OXCT1: variants seen among roughly 807,000 people sequenced by gnomAD.
OXCT1 encodes 3-oxoacid CoA-transferase 1, also known as succinyl-CoA:3-ketoacid coenzyme A transferase 1, mitochondrial.
A neutral mutation model predicts 69.6 loss-of-function variants in OXCT1; 27 were observed. The observed-to-expected ratio is 0.39, with a 90% CI of 0.29 to 0.54. The LOEUF is 0.54. Among genes scored for constraint, OXCT1 ranks in the 20% least tolerant of loss-of-function variants. The pLI is 0.72. For missense variants in OXCT1, 437 were observed against 650.2 expected (o/e 0.67, Z 3.57); for synonymous variants, 202 against 217.8 (o/e 0.93, Z 0.64).
Position 41,870,010 on chromosome 5 carries a change from C to CGG in OXCT1, c.78+270_78+271insCC. 2.0e-6 allele frequency: 1 copy of CGG among 493,254 alleles called. No homozygotes were observed. Among genetic ancestry groups the CGG allele is most frequent in the South Asian group, 2.1e-5 (1 of 48,436 alleles). 30.6% of individuals were successfully genotyped at this position (493,254 alleles called of 1,614,324 possible). A position where few individuals can be genotyped will look rare whatever the true frequency, so the allele number is the denominator to read the frequency against. The stretch of plus-strand genomic sequence containing the variant: ...AGGGCTCGGGAGCGCTGCCAGGAGT[C>CGG]CTCCCGCCCCTTCTCAGCCTCTCCG... On this transcript the variant is annotated intron_variant, in intron 1 of 16. Coordinates refer to ENST00000196371, the MANE Select transcript of OXCT1 (RefSeq NM_000436.4). The surrounding 1 kb of genome is among the most constrained non-coding windows in gnomAD (Gnocchi z 4.2).
chr5:41,806,686 G>A (rs554295396), intron 8 of OXCT1, among the ~76,000 whole-genome samples: 16 of 152,158 alleles, frequency 1.1e-4, no homozygotes, highest in African/African-American at 3.4e-4. Flanking sequence ...GCTTCCTGAG[G>A]TCCTGACCAG....
Position 41,870,387 on chromosome 5 carries a change from C to A in OXCT1, c.-29G>T, listed in dbSNP as rs1329937680. On this transcript the variant is annotated 5_prime_UTR_variant, in exon 1 of 17. Transcript: ENST00000196371. The surrounding 1 kb of genome is among the most constrained non-coding windows in gnomAD (Gnocchi z 4.2). ...CGGGCGGTGAGGCAGGAGGAGGCTG[C>A]GGGTTGGAGCGCGCGTTTGAGCGTC... is the stretch of plus-strand genomic sequence containing the variant. The A allele has an allele frequency of 6.4e-7, 1 of 1,571,304 alleles. No homozygotes were observed. Among genetic ancestry groups the A allele is most frequent in the Non-Finnish European group, 8.7e-7 (1 of 1,144,950 alleles).
intron 13 of OXCT1, among the ~76,000 whole-genome samples, chr5:41,785,909 G>C (rs936065116): frequency 2.0e-5 from 3 of 152,196 alleles, no homozygotes; most frequent in Non-Finnish European, 4.4e-5. Flanking sequence ...CCTGAAAGAT[G>C]GGGAGTGCAG....
intron 7 of OXCT1, among the ~76,000 whole-genome samples, chr5:41,810,064 A>G (rs963492096): frequency 4.6e-5 from 7 of 151,988 alleles, no homozygotes; most frequent in African/African-American, 1.7e-4. Flanking sequence ...ACATGTTTTC[A>G]GACAATCTAT....
intron 11 of OXCT1, 54 bp from the exon 12 acceptor site, chr5:41,794,803 T>C (rs1746098416): frequency 6.3e-7 from 1 of 1,581,098 alleles, no homozygotes; most frequent in South Asian, 1.1e-5. Context: ...TCTAAGAGTA[T>C]CATGGTGAAC....
rs1243928672 is a variant in OXCT1, at chr5:41,861,328, G to A, written c.264C>T (p.Val88=). ...TGCACACTTACCCTGCATTGTTGCTGACTGCAGTTAGTCCTTTTACTCCAG... is the reference window on the plus strand; with the variant it reads ...TGCACACTTACCCTGCATTGTTGCTAACTGCAGTTAGTCCTTTTACTCCAG... ...LKTGVKGLTA[V]SNNAGVDNFG... The change falls in exon 3 of 17, where the codon GTC becomes GTT. Residue 88 remains valine, a synonymous_variant. Coordinates refer to ENST00000196371, the MANE Select transcript of OXCT1 (RefSeq NM_000436.4). 1 of 1,600,680 alleles carries A rather than the reference G, an allele frequency of 6.2e-7. No individual in the cohort carries two copies. The highest frequency in any genetic ancestry group is 2.2e-5 in the East Asian group (1 of 44,754).
intron 7 of OXCT1, among the ~76,000 whole-genome samples, chr5:41,811,183 A>G (rs1475362553): frequency 6.6e-6 from 1 of 151,960 alleles, no homozygotes; most frequent in Non-Finnish European, 1.5e-5. Flanking sequence ...TCTGGATGTT[A>G]AAATGAAGTA....
At chr5:41,832,496 A>G (rs930671262) in intron 7 of OXCT1, among the ~76,000 whole-genome samples, 3 of 152,178 alleles carry the variant, frequency 2.0e-5, no homozygotes, top group African/African-American at 7.2e-5. Context: ...CACAGCAATT[A>G]TGGTTGGAGC....
At chr5:41,799,632 T>C (rs973314575) in intron 11 of OXCT1, among the ~76,000 whole-genome samples, 2 of 152,228 alleles carry the variant, frequency 1.3e-5, no homozygotes, top group Non-Finnish European at 2.9e-5. Flanking sequence ...CATGCAGTTA[T>C]TCATTTTGCA....
intron 16 of OXCT1, among the ~76,000 whole-genome samples, chr5:41,732,540 C>T (rs535072698): frequency 6.6e-6 from 1 of 152,246 alleles, no homozygotes; most frequent in Admixed American, 6.5e-5. Flanking sequence ...GTTCAGATTC[C>T]TTAATTCAAC....
At chr5:41,777,234 G>A (rs1372257883) in intron 13 of OXCT1, among the ~76,000 whole-genome samples, 1 of 152,120 alleles carries the variant, frequency 6.6e-6, no homozygotes, top group Non-Finnish European at 1.5e-5. Context: ...TGACCAACAT[G>A]GTCAAACCCC....
intron 7 of OXCT1, among the ~76,000 whole-genome samples, chr5:41,832,586 C>A (rs1748150034): frequency 6.6e-6 from 1 of 152,108 alleles, no homozygotes; most frequent in South Asian, 2.1e-4. Context: ...ACAATAAATA[C>A]CTAACCCTTT....
chr5:41,860,689 T>A (rs1024845671), intron 3 of OXCT1, among the ~76,000 whole-genome samples: 3 of 152,176 alleles, frequency 2.0e-5, no homozygotes, highest in Non-Finnish European at 4.4e-5. Flanking sequence ...CTTACCATTT[T>A]GTAAAAATAA....
chr5:41,776,751 C>T (rs528692042), intron 13 of OXCT1, among the ~76,000 whole-genome samples: 2 of 152,266 alleles, frequency 1.3e-5, no homozygotes, highest in African/African-American at 2.4e-5. Context: ...AATCTAAGAA[C>T]GGCATGTGTG....
chr5:41,779,083 T>C (rs1745271862), intron 13 of OXCT1, among the ~76,000 whole-genome samples: 1 of 152,232 alleles, frequency 6.6e-6, no homozygotes, highest in South Asian at 2.1e-4. Context: ...ATGTAGATTA[T>C]TTCTAGGTCT....
chr5:41,774,478 T>C (rs751117096), intron 13 of OXCT1, among the ~76,000 whole-genome samples: 8 of 152,114 alleles, frequency 5.3e-5, no homozygotes, highest in African/African-American at 9.7e-5. Flanking sequence ...GATGAGCATC[T>C]TGTAGTAGCA....
At chr5:41,841,308 A>C (rs1196304416) in intron 6 of OXCT1, among the ~76,000 whole-genome samples, 2 of 152,196 alleles carry the variant, frequency 1.3e-5, no homozygotes, top group Non-Finnish European at 2.9e-5. Flanking sequence ...AGATTGAAGA[A>C]TGAGTACAGG....
In OXCT1 at chr5:41,870,001, GCCAGGA is replaced by G; in HGVS notation, c.78+274_78+279del. ...GAGCGCCAAAGGGCTCGGGAGCGCT[GCCAGGA>G]GTCCTCCCGCCCCTTCTCAGCCTCT... is the stretch of plus-strand genomic sequence containing the variant. On this transcript the variant is annotated intron_variant, in intron 1 of 16. Coordinates refer to ENST00000196371, the MANE Select transcript of OXCT1 (RefSeq NM_000436.4). This position sits in a 1 kb window ranked among gnomAD's most constrained non-coding sequence, Gnocchi z 4.2. 45 of 477,722 alleles carry G rather than the reference GCCAGGA, an allele frequency of 9.4e-5. No individual in the cohort carries two copies. The highest frequency in any genetic ancestry group is 6.1e-4 in the Middle Eastern group (1 of 1,630). The allele number at this position is 477,722 out of a possible 1,614,324, so 29.6% of individuals were successfully genotyped here. A position where few individuals can be genotyped will look rare whatever the true frequency, so the allele number is the denominator to read the frequency against.
chr5:41,757,784 A>T (rs938174787), intron 14 of OXCT1, among the ~76,000 whole-genome samples: 2 of 152,078 alleles, frequency 1.3e-5, no homozygotes, highest in Non-Finnish European at 2.9e-5. Flanking sequence ...ATGTACAAAC[A>T]CCTAAGAATG....
Sources: gnomAD v4.1 joint callset for allele counts (sites outside exome capture counted in the v4.1 genomes callset) on GRCh38, gnomAD v4.1.1 for gene constraint, Gnocchi (gnomAD v3.1) non-coding constraint, MANE v1.5 for transcripts, NCBI Gene and HGNC (gene_info 2026-07-23, HGNC 2026-07-21) for gene names.